Variants in ENPEP observed in about 807,000 individuals in gnomAD.
ENPEP encodes the protein glutamyl aminopeptidase, also known as AP-A.
ENPEP carries 103 observed loss-of-function variants against 114.5 expected under a neutral mutation model. That is an observed-to-expected ratio of 0.90 (90% CI 0.77 to 1.06). The LOEUF is 1.06. ENPEP is among the 50% of genes least tolerant of loss of function. ENPEP has a pLI of 0.00. For synonymous variants in ENPEP, 420 were observed against 422.0 expected, an observed-to-expected ratio of 1.00 and a Z score of 0.06; for missense variants, 1,196 against 1,161.3, an observed-to-expected ratio of 1.03 and a Z score of -0.43.
intron 13 of ENPEP, among the ~76,000 whole-genome samples, chr4:110,544,982 A>G (rs920886153): frequency 2.0e-5 from 3 of 152,218 alleles, no homozygotes; most frequent in Admixed American, 6.6e-5. Flanking sequence ...ACCTGGCTCA[A>G]TGAGGTTCTG....
chr4:110,512,497 C>A (rs1725617496), intron 6 of ENPEP: 1 of 152,170 alleles, frequency 6.6e-6, no homozygotes, highest in African/African-American at 2.4e-5. Context: ...CAGTACCTTT[C>A]CTGTTATAAA....
Position 110,543,077 on chromosome 4 carries a change from T to C in ENPEP, c.2000+7T>C. 3 of 1,611,424 alleles carry C rather than the reference T, an allele frequency of 1.9e-6. No individual in the cohort carries two copies. Among genetic ancestry groups the C allele is most frequent in the Non-Finnish European group, 2.5e-6 (3 of 1,177,892 alleles). ...ATGCTTTTGCCTTGGCAAGGTGCGT[T>C]TTAGAATGAGACTAAATTACTTAAA... is the stretch of plus-strand genomic sequence containing the variant. On this transcript the variant is annotated splice_region_variant and intron_variant, in intron 13 of 19. Coordinates refer to ENST00000265162, the MANE Select transcript of ENPEP (RefSeq NM_001977.4).
chr4:110,486,421 A>C (rs1724500864), intron 1 of ENPEP, among the ~76,000 whole-genome samples: 1 of 152,154 alleles, frequency 6.6e-6, no homozygotes, highest in Non-Finnish European at 1.5e-5. Context: ...AGTGTTCTTT[A>C]GCCACACTGG....
intron 10 of ENPEP, among the ~76,000 whole-genome samples, chr4:110,524,767 T>C (rs1726132613): frequency 6.6e-6 from 1 of 152,192 alleles, no homozygotes; most frequent in South Asian, 2.1e-4. Context: ...ATTTATTTAA[T>C]TTATTTTCTG....
intron 1 of ENPEP, 108 bp from the exon 2 acceptor site, chr4:110,488,433 T>C: frequency 7.6e-7 from 1 of 1,313,580 alleles, no homozygotes; most frequent in East Asian, 2.7e-5. Flanking sequence ...TTTAGAAATG[T>C]AATAGTTATA....
chr4:110,480,082 C>A (rs573543058), intron 1 of ENPEP, among the ~76,000 whole-genome samples: 1 of 152,184 alleles, frequency 6.6e-6, no homozygotes, highest in East Asian at 1.9e-4. Context: ...ATGGCAACAT[C>A]GGTGAGGAAG....
chr4:110,523,534 G>A (rs1272321667), intron 10 of ENPEP, among the ~76,000 whole-genome samples: 2 of 152,154 alleles, frequency 1.3e-5, no homozygotes, highest in African/African-American at 4.8e-5. Context: ...CATGAAATTG[G>A]ACCATGGTGT....
intron 10 of ENPEP, among the ~76,000 whole-genome samples, chr4:110,522,848 T>C (rs567645587): frequency 6.6e-6 from 1 of 152,264 alleles, no homozygotes; most frequent in South Asian, 2.1e-4. Flanking sequence ...GATTTCCACA[T>C]AACACTTTTT....
intron 3 of ENPEP, among the ~76,000 whole-genome samples, chr4:110,504,574 T>A (rs890609166): frequency 6.6e-6 from 1 of 152,034 alleles, no homozygotes; most frequent in Non-Finnish European, 1.5e-5. Flanking sequence ...GGGTCATAGA[T>A]CACAGATGAT....
intron 13 of ENPEP, 72 bp from the exon 14 acceptor site, chr4:110,548,104 G>A (rs1441845682): frequency 4.4e-6 from 6 of 1,348,768 alleles, no homozygotes; most frequent in Non-Finnish European, 5.7e-6. Context: ...TCAGTTAAAT[G>A]GAAACTAAAG....
chr4:110,554,897 A>G (rs1727419371), intron 18 of ENPEP, among the ~76,000 whole-genome samples: 1 of 152,040 alleles, frequency 6.6e-6, no homozygotes, highest in South Asian at 2.1e-4. Context: ...TTGTTTATTG[A>G]ATAAATATTT....
intron 8 of ENPEP, 81 bp downstream of exon 8, chr4:110,515,523 C>T (rs1725731347): frequency 1.7e-6 from 2 of 1,167,178 alleles, no homozygotes; most frequent in South Asian, 1.3e-5. Context: ...TGTGATTAAT[C>T]AAGGATAATT....
In ENPEP at chr4:110,561,764, G is replaced by A. The variant is rs913541304; in HGVS notation, c.*206G>A. On this transcript the variant is annotated 3_prime_UTR_variant, in exon 20 of 20. Coordinates refer to ENST00000265162, the MANE Select transcript of ENPEP (RefSeq NM_001977.4). ...ACTAATAGAGTACTTAATATACTCA[G>A]GGATTCCTTCTAAGTGTACTTCATA... 2.2e-6 allele frequency: 1 copy of A among 447,970 alleles called. No individual in the cohort carries two copies. 27.7% of individuals were successfully genotyped at this position (447,970 alleles called of 1,614,324 possible).
intron 11 of ENPEP, among the ~76,000 whole-genome samples, chr4:110,538,239 T>C (rs1023582586): frequency 2.0e-5 from 3 of 152,268 alleles, no homozygotes; most frequent in Non-Finnish European, 4.4e-5. Context: ...CTGTTTCATC[T>C]ACACTGAAAA....
intron 3 of ENPEP, among the ~76,000 whole-genome samples, chr4:110,499,413 C>G (rs189461282): frequency 6.6e-6 from 1 of 152,302 alleles, no homozygotes; most frequent in East Asian, 1.9e-4. Context: ...GTCCTGAACT[C>G]TAGCGTCGGT....
chr4:110,512,743 G>A (rs1725625217), intron 6 of ENPEP: 1 of 152,164 alleles, frequency 6.6e-6, no homozygotes, highest in Admixed American at 6.5e-5. Flanking sequence ...TGAGTCCTGT[G>A]CACAGTTCCA....
rs761899515 is a variant in ENPEP at position 110,549,612 on chromosome 4, G to A, written c.2310G>A (p.Gln770=). 2.0e-5 allele frequency: 32 copies of A among 1,613,460 alleles called. No individual in the cohort carries two copies. The South Asian group carries it at 3.4e-4, about 17-fold the overall frequency. The change falls in exon 16 of 20, where the codon CAG becomes CAA. Residue 770 remains glutamine, a synonymous_variant. Transcript: ENST00000265162. ...ALNNASSLFE[Q]WLNGTVSLPV... ...ACAATGCTTCCTCGTTATTTGAGCA[G>A]TGGCTAAATGGGACTGTAAGGTGAT...
intron 6 of ENPEP, among the ~76,000 whole-genome samples, chr4:110,510,579 C>A (rs1180850586): frequency 2.1e-5 from 3 of 143,154 alleles, no homozygotes; most frequent in East Asian, 4.1e-4. Context: ...ATATCCTTGA[C>A]AGAGTCACTC....
chr4:110,500,360 G>A lies in ENPEP; in HGVS notation c.919-6277G>A, dbSNP rs374239714. Among the ~76,000 whole-genome samples, 26 of 152,298 alleles carry A rather than the reference G, an allele frequency of 1.7e-4. No individual in the cohort carries two copies. In the South Asian group the frequency reaches 4.8e-3, roughly 28 times the overall value. On this transcript the variant is annotated intron_variant, in intron 3 of 19. Coordinates refer to ENST00000265162, the MANE Select transcript of ENPEP (RefSeq NM_001977.4). ...AAAAGAATATCAGCTGAATAAGGCT[G>A]TATAAAGCCCAAAGTTTTTCCACTG... is the stretch of plus-strand genomic sequence containing the variant.
Sources: allele counts gnomAD v4.1 joint callset (sites outside exome capture counted in the v4.1 genomes callset), GRCh38; gene constraint gnomAD v4.1.1; transcripts MANE v1.5; gene names NCBI Gene and HGNC (gene_info 2026-07-23, HGNC 2026-07-21).